RABGAP1L: variants seen among roughly 807,000 people sequenced by gnomAD.
RABGAP1L encodes the protein rab GTPase-activating protein 1-like.
A neutral mutation model predicts 137.7 loss-of-function variants in RABGAP1L; 63 were observed. That is an observed-to-expected ratio of 0.46 (90% CI 0.37 to 0.56). The LOEUF is 0.56. Among genes scored for constraint, RABGAP1L ranks in the 20% least tolerant of loss-of-function variants. RABGAP1L has a pLI of 0.00. For missense variants in RABGAP1L, 1,095 were observed against 1,244.0 expected (o/e 0.88, Z 1.80); for synonymous variants, 431 against 433.7 (o/e 0.99, Z 0.08).
intron 19 of RABGAP1L, among the ~76,000 whole-genome samples, chr1:174,894,436 C>A (rs1358696243): frequency 1.3e-5 from 2 of 152,176 alleles, no homozygotes; most frequent in African/African-American, 4.8e-5. Context: ...CAAGGTTTAA[C>A]TTTAGCACTC....
rs868689054 is a variant in RABGAP1L at position 174,348,904 on chromosome 1, C to T, written c.1466-22075C>T. Among the ~76,000 whole-genome samples, 89 of 152,364 alleles carry T rather than the reference C, an allele frequency of 5.8e-4. 1 individual carries two copies. The highest frequency in any genetic ancestry group is 2.3e-3 in the South Asian group (11 of 4,832). ...CCATCCGATTTCCCAATCCTTTCCCCGCCTTTCCCGCCTTTCTATTCCACA... is the reference window on the plus strand; with the variant it reads ...CCATCCGATTTCCCAATCCTTTCCCTGCCTTTCCCGCCTTTCTATTCCACA... On this transcript the variant is annotated intron_variant, in intron 11 of 25. Transcript: ENST00000681986.
At chr1:174,558,335 T>A (rs1667009296) in intron 13 of RABGAP1L, among the ~76,000 whole-genome samples, 1 of 152,264 alleles carries the variant, frequency 6.6e-6, no homozygotes, top group South Asian at 2.1e-4. Context: ...TTCTTTGTGC[T>A]GTTTTATAGC....
chr1:174,915,417 T>A (rs567657562), intron 19 of RABGAP1L, among the ~76,000 whole-genome samples: 1 of 152,208 alleles, frequency 6.6e-6, no homozygotes, highest in East Asian at 1.9e-4. Flanking sequence ...TTCATGCCCT[T>A]TATATATTTT....
chr1:174,807,577 A>T (rs567315739), intron 18 of RABGAP1L, among the ~76,000 whole-genome samples: 24 of 152,348 alleles, frequency 1.6e-4, no homozygotes, highest in African/African-American at 5.8e-4. Flanking sequence ...ATACTTAATG[A>T]TTATGGAAGT....
At position 174,282,671 on chromosome 1, in the gene RABGAP1L, A is replaced by T. The variant is rs1407195045; in HGVS notation, c.1323+3892A>T. ...ATTGTTTTTGCTTTTTTTGTGTCCT[A>T]TCTAAGGAAATTTTGCCTACCTCAA... is the stretch of plus-strand genomic sequence containing the variant. On this transcript the variant is annotated intron_variant, in intron 10 of 25. Coordinates refer to ENST00000681986, the MANE Select transcript of RABGAP1L (RefSeq NM_001366446.1). 2.0e-5 allele frequency among the ~76,000 whole-genome samples: 3 copies of T among 151,888 alleles called. No homozygotes were observed. In the East Asian group the frequency reaches 5.8e-4, roughly 29 times the overall value.
intron 19 of RABGAP1L, among the ~76,000 whole-genome samples, chr1:174,872,104 AT>A (rs1652298561): frequency 6.6e-6 from 1 of 151,960 alleles, no homozygotes; most frequent in Non-Finnish European, 1.5e-5. Flanking sequence ...TTAAGCAAGT[AT>A]TTATGTCCCA....
intron 19 of RABGAP1L, among the ~76,000 whole-genome samples, chr1:174,909,414 A>G (rs1449559327): frequency 6.6e-6 from 1 of 151,988 alleles, no homozygotes; most frequent in Non-Finnish European, 1.5e-5. Context: ...ATTTGTGGAG[A>G]TGAAGTATCA....
chr1:174,336,004 A>G lies in RABGAP1L; in HGVS notation c.1465+30877A>G, dbSNP rs143847793. On this transcript the variant is annotated intron_variant, in intron 11 of 25. Coordinates refer to ENST00000681986, the MANE Select transcript of RABGAP1L (RefSeq NM_001366446.1). ...CTTTGTTGTACCTTTTAGGTTTAGT[A>G]AAATCTGCATTTTTTGTTGTTGTTT... 7.5e-4 allele frequency among the ~76,000 whole-genome samples: 114 copies of G among 152,312 alleles called. No individual in the cohort carries two copies. The East Asian group carries it at 0.021, about 29-fold the overall frequency.
chr1:174,520,477 A>G (rs1255172038), intron 13 of RABGAP1L, among the ~76,000 whole-genome samples: 1 of 152,206 alleles, frequency 6.6e-6, no homozygotes, highest in Non-Finnish European at 1.5e-5. Context: ...AAATATATAA[A>G]CTGAATTGTT....
At chr1:174,549,997 T>C (rs1056615163) in intron 13 of RABGAP1L, among the ~76,000 whole-genome samples, 3 of 152,082 alleles carry the variant, frequency 2.0e-5, no homozygotes, top group Admixed American at 1.3e-4. Context: ...ATACTGTAAA[T>C]AGCTACTACA....
At chr1:174,374,513 A>C (rs951028473) in intron 12 of RABGAP1L, among the ~76,000 whole-genome samples, 6 of 137,470 alleles carry the variant, frequency 4.4e-5, no homozygotes, top group African/African-American at 1.9e-4. Flanking sequence ...TCAGCAAAAC[A>C]GCTCCTAGAT....
intron 18 of RABGAP1L, among the ~76,000 whole-genome samples, chr1:174,781,110 G>T (rs1284621708): frequency 6.6e-6 from 1 of 152,098 alleles, no homozygotes; most frequent in Non-Finnish European, 1.5e-5. Context: ...GGGTCAAATG[G>T]TATTTCTAGT....
At chr1:174,217,644 G>A (rs1451553728) in intron 1 of RABGAP1L, among the ~76,000 whole-genome samples, 8 of 152,054 alleles carry the variant, frequency 5.3e-5, no homozygotes, top group Non-Finnish European at 1.0e-4. Context: ...AATATACAAA[G>A]TGAGAAAAAA....
At chr1:174,548,201 G>A (rs1572274559) in intron 13 of RABGAP1L, 2 of 1,431,332 alleles carry the variant, frequency 1.4e-6, no homozygotes, top group African/African-American at 2.9e-5. Flanking sequence ...CAGGGTGAAG[G>A]TAATTAAGAG....
At chr1:174,605,108 T>C (rs1386789028) in intron 13 of RABGAP1L, among the ~76,000 whole-genome samples, 1 of 152,070 alleles carries the variant, frequency 6.6e-6, no homozygotes, top group Middle Eastern at 3.2e-3. Context: ...ACCATTGCAC[T>C]CCAGCATGGG....
intron 17 of RABGAP1L, among the ~76,000 whole-genome samples, chr1:174,719,279 G>GA (rs1320100687): frequency 6.6e-6 from 1 of 152,096 alleles, no homozygotes; most frequent in Non-Finnish European, 1.5e-5. Flanking sequence ...AATAATTAAA[G>GA]ATAAAATTGG....
At chr1:174,757,181 T>C (rs1573049499) in intron 18 of RABGAP1L, 2 of 355,284 alleles carry the variant, frequency 5.6e-6, no homozygotes, top group Non-Finnish European at 5.7e-6. Context: ...ACCTGGCTGC[T>C]CCTGCCTATA....
At chr1:174,329,548 GT>G in intron 11 of RABGAP1L, among the ~76,000 whole-genome samples, 2 of 152,146 alleles carry the variant, frequency 1.3e-5, no homozygotes, top group East Asian at 3.9e-4. Flanking sequence ...CTACAGACTG[GT>G]TTTCCTGATG....
intron 17 of RABGAP1L, among the ~76,000 whole-genome samples, chr1:174,708,386 G>A (rs1214218326): frequency 6.6e-6 from 1 of 152,190 alleles, no homozygotes; most frequent in Non-Finnish European, 1.5e-5. Context: ...CTGGTCTGCA[G>A]CTCCCAATGA....
Sources: gnomAD v4.1 joint callset for allele counts (sites outside exome capture counted in the v4.1 genomes callset) on GRCh38, gnomAD v4.1.1 for gene constraint, MANE v1.5 for transcripts, NCBI Gene and HGNC (gene_info 2026-07-23, HGNC 2026-07-21) for gene names.